VPS53: variants seen among roughly 807,000 people sequenced by gnomAD.
The protein encoded by VPS53 is vacuolar protein sorting-associated protein 53 homolog.
A neutral mutation model predicts 107.0 loss-of-function variants in VPS53; 70 were observed. That is an observed-to-expected ratio of 0.65 (90% confidence interval 0.54 to 0.80). VPS53 has a LOEUF of 0.80. Among genes scored for constraint, VPS53 ranks in the 30% least tolerant of loss-of-function variants. The probability of loss-of-function intolerance (pLI) is 0.00; values close to 1 mark genes in which losing one functional copy is unlikely to be tolerated. For missense variants in VPS53, 917 were observed against 1,049.4 expected (o/e 0.87, Z 1.74); for synonymous variants, 409 against 393.3 (o/e 1.04, Z -0.47).
At chr17:551,138 G>C (rs1200127984) in intron 17 of VPS53, among the ~76,000 whole-genome samples, 1 of 151,464 alleles carries the variant, frequency 6.6e-6, no homozygotes, top group Non-Finnish European at 1.5e-5. Context: ...GACTACATGA[G>C]AGATAAAAGA....
intron 4 of VPS53, among the ~76,000 whole-genome samples, chr17:669,900 AAAG>A (rs982928010): frequency 6.6e-6 from 1 of 151,914 alleles, no homozygotes; most frequent in African/African-American, 2.4e-5. Context: ...AAAAAAAAAA[AAAG>A]AAGAAAAAAA....
chr17:692,812 C>T (rs1972822129), intron 4 of VPS53, among the ~76,000 whole-genome samples: 1 of 151,686 alleles, frequency 6.6e-6, no homozygotes, highest in Non-Finnish European at 1.5e-5. Flanking sequence ...ACCAGCCTGA[C>T]CAACATGGTG....
At chr17:532,573 T>C (rs754821666) in intron 19 of VPS53, 15 of 687,900 alleles carry the variant, frequency 2.2e-5, no homozygotes, top group Non-Finnish European at 3.0e-5. Context: ...CACTTCTTCT[T>C]ATTGGAGTGT....
At chr17:701,891 C>T (rs1378388412) in intron 2 of VPS53, among the ~76,000 whole-genome samples, 3 of 152,146 alleles carry the variant, frequency 2.0e-5, no homozygotes, top group South Asian at 2.1e-4. Context: ...CTGAGCCTGG[C>T]TAATTTTATT....
chr17:686,968 G>A (rs530759838), intron 4 of VPS53, among the ~76,000 whole-genome samples: 14 of 146,532 alleles, frequency 9.6e-5, no homozygotes, highest in East Asian at 6.2e-4. Context: ...GCAACATAGC[G>A]AGACCTCATC....
chr17:527,712 C>A (rs995787673), intron 19 of VPS53, among the ~76,000 whole-genome samples: 21 of 152,186 alleles, frequency 1.4e-4, no homozygotes, highest in African/African-American at 4.8e-4. Flanking sequence ...CTCCTTGGCT[C>A]AACTGATCCT....
At chr17:627,353 T>G (rs756383302) in intron 9 of VPS53, 37 bp from the exon 10 acceptor site, 18 of 1,591,512 alleles carry the variant, frequency 1.1e-5, no homozygotes, top group Non-Finnish European at 1.3e-5. Context: ...CCCCAGTGGT[T>G]AGAAGTAGAA....
intron 12 of VPS53, among the ~76,000 whole-genome samples, chr17:592,883 A>C (rs1967741983): frequency 6.6e-6 from 1 of 152,084 alleles, no homozygotes; most frequent in Admixed American, 6.5e-5. Flanking sequence ...GCTCTTCTCG[A>C]GGAGTATCTT....
chr17:519,317 C>T lies in VPS53; in HGVS notation c.2329-19G>A. 1 of 1,460,122 alleles carries T rather than the reference C, an allele frequency of 6.8e-7. No individual in the cohort carries two copies. The highest frequency in any genetic ancestry group is 1.4e-5 in the African/African-American group (1 of 70,024). 90.4% of individuals were successfully genotyped at this position (1,460,122 alleles called of 1,614,324 possible). A position where few individuals can be genotyped will look rare whatever the true frequency, so the allele number is the denominator to read the frequency against. ...TCAGCCCCTGAGGTTGAGAGAGAAA[C>T]AGAACCGTCACGAAGTCTGGGCCAG... On this transcript the variant is annotated intron_variant, in intron 21 of 21. Coordinates refer to ENST00000437048, the MANE Select transcript of VPS53 (RefSeq NM_001128159.3). This position sits in a 1 kb window ranked among gnomAD's most constrained non-coding sequence, Gnocchi z 5.0.
Position 601,738 on chromosome 17 carries a change from C to G in VPS53, c.1218+57G>C, listed in dbSNP as rs10521105. 0.18 allele frequency: 248,827 copies of G among 1,388,922 alleles called. 24,807 individuals are homozygous for G. Among genetic ancestry groups the G allele is most frequent in the Middle Eastern group, 0.27 (1,138 of 4,170 alleles). The allele number at this position is 1,388,922 out of a possible 1,614,324, so 86.0% of individuals were successfully genotyped here. ...AGGATCGTATCTGGAGCAAGCAGAC[C>G]GATTTTCAGAAACGCACATTGGGTA... On this transcript the variant is annotated intron_variant, in intron 12 of 21. Coordinates refer to ENST00000437048, the MANE Select transcript of VPS53 (RefSeq NM_001128159.3).
chr17:651,141 C>T (rs1970930511), intron 7 of VPS53, among the ~76,000 whole-genome samples: 1 of 152,060 alleles, frequency 6.6e-6, no homozygotes, highest in African/African-American at 2.4e-5. Flanking sequence ...TATGTAAATA[C>T]ACACACACAA....
At chr17:633,340 T>A (rs924198240) in intron 7 of VPS53, among the ~76,000 whole-genome samples, 5 of 152,124 alleles carry the variant, frequency 3.3e-5, no homozygotes, top group Non-Finnish European at 7.4e-5. Context: ...CTGCTGGGCT[T>A]CCTGAGCCTG....
At chr17:672,797 A>G (rs1409001375) in intron 4 of VPS53, among the ~76,000 whole-genome samples, 8 of 152,194 alleles carry the variant, frequency 5.3e-5, no homozygotes, top group Non-Finnish European at 1.2e-4. Context: ...TATACACAAA[A>G]TGATACAAAG....
At chr17:566,442 G>A (rs1341012944) in intron 13 of VPS53, among the ~76,000 whole-genome samples, 4 of 152,134 alleles carry the variant, frequency 2.6e-5, no homozygotes, top group Admixed American at 1.3e-4. Context: ...GAGGAATGAC[G>A]TTTATGCTGG....
chr17:560,079 C>A (rs957873497), intron 15 of VPS53, among the ~76,000 whole-genome samples: 1 of 152,230 alleles, frequency 6.6e-6, no homozygotes, highest in Admixed American at 6.5e-5. Flanking sequence ...TCATCATCAC[C>A]AAAGGCTGGG....
chr17:623,075 CCTT>C (rs1969541301), intron 11 of VPS53, among the ~76,000 whole-genome samples: 1 of 152,116 alleles, frequency 6.6e-6, no homozygotes. Flanking sequence ...CTATGTTCCA[CCTT>C]TCCAATGGAG....
chr17:660,528 A>G (rs921575603), intron 5 of VPS53, among the ~76,000 whole-genome samples: 1 of 152,240 alleles, frequency 6.6e-6, no homozygotes, highest in Non-Finnish European at 1.5e-5. Flanking sequence ...GATTAGCATC[A>G]TAAGGATATC....
chr17:654,505 G>A (rs540443290), intron 6 of VPS53, among the ~76,000 whole-genome samples: 9 of 152,002 alleles, frequency 5.9e-5, no homozygotes, highest in Admixed American at 1.3e-4. Context: ...TTGGGAGGCC[G>A]AGGCGGGCAG....
intron 13 of VPS53, among the ~76,000 whole-genome samples, chr17:575,664 T>C (rs567366877): frequency 2.0e-5 from 3 of 151,190 alleles, no homozygotes; most frequent in South Asian, 2.1e-4. Flanking sequence ...CAGGATCTAA[T>C]GTGTTCCAGG....
Sources: gnomAD v4.1 joint callset for allele counts (sites outside exome capture counted in the v4.1 genomes callset) on GRCh38, gnomAD v4.1.1 for gene constraint, Gnocchi (gnomAD v3.1) non-coding constraint, MANE v1.5 for transcripts, NCBI Gene and HGNC (gene_info 2026-07-23, HGNC 2026-07-21) for gene names.